Variants in TENM3 observed in about 807,000 individuals in gnomAD.
The protein encoded by TENM3 is teneurin-3.
Under a neutral mutation model 255.1 loss-of-function variants are expected in TENM3, and 63 were observed. That is an observed-to-expected ratio of 0.25 (90% CI 0.20 to 0.30). The LOEUF (loss-of-function observed/expected upper bound fraction) is 0.30. TENM3 is among the 10% of genes least tolerant of loss of function. TENM3 has a pLI of 1.00. For missense variants in TENM3, 2,929 were observed against 3,461.1 expected, an observed-to-expected ratio of 0.85 and a Z score of 3.86; for synonymous variants, 1,306 against 1,322.3, an observed-to-expected ratio of 0.99 and a Z score of 0.27.
chr4:182,642,361 A>G (rs1752389917), intron 5 of TENM3, among the ~76,000 whole-genome samples: 1 of 152,232 alleles, frequency 6.6e-6, no homozygotes, highest in African/African-American at 2.4e-5. Context: ...ATTGGCTGTC[A>G]AAGGCAGCTC....
the TENM3 span, among the ~76,000 whole-genome samples, chr4:182,132,071 G>T: frequency 2.0e-5 from 3 of 152,154 alleles, no homozygotes; most frequent in Non-Finnish European, 4.4e-5. Flanking sequence ...AATGGAGGAG[G>T]GAACCACCCT....
In TENM3 at chr4:182,356,289, G is replaced by C. The variant is rs184989628; in HGVS notation, c.511+9360G>C. On this transcript the variant is annotated intron_variant, in intron 3 of 27. Transcript: ENST00000511685. ...AGGCTGAGGTGAGAGGATGGCTTGA[G>C]CCCAGAAGTTAGAGACCAGCCTGGG... is the stretch of plus-strand genomic sequence containing the variant. 5.9e-5 allele frequency among the ~76,000 whole-genome samples: 9 copies of C among 152,274 alleles called. No individual in the cohort carries two copies. The East Asian group carries it at 1.7e-3, about 29-fold the overall frequency.
the TENM3 span, among the ~76,000 whole-genome samples, chr4:181,744,485 C>T: frequency 6.6e-6 from 1 of 152,164 alleles, no homozygotes; most frequent in Admixed American, 6.6e-5. Context: ...ACCTCACCAG[C>T]ATCTGTTTTT....
At chr4:181,546,606 C>G in the TENM3 span, among the ~76,000 whole-genome samples, 2 of 140,186 alleles carry the variant, frequency 1.4e-5, no homozygotes, top group African/African-American at 5.3e-5. Context: ...CCCAGCTACT[C>G]GGGAGGCTGA....
chr4:181,465,974 C>T, the TENM3 span, among the ~76,000 whole-genome samples: 1 of 152,110 alleles, frequency 6.6e-6, no homozygotes, highest in Admixed American at 6.6e-5. Flanking sequence ...CAGTTGACTC[C>T]ACACTTTACC....
At chr4:182,397,398 TA>T (rs144177808) in intron 3 of TENM3, among the ~76,000 whole-genome samples, 137 of 48,954 alleles carry the variant, frequency 2.8e-3, no homozygotes, top group African/African-American at 8.7e-3. Flanking sequence ...AGACTCCATC[TA>T]AAAAAAAAAA....
the TENM3 span, among the ~76,000 whole-genome samples, chr4:181,944,678 A>G: frequency 2.6e-5 from 4 of 152,066 alleles, no homozygotes; most frequent in African/African-American, 9.7e-5. Context: ...CATAGGGACA[A>G]TGCCTGACTG....
At chr4:181,531,330 C>T in the TENM3 span, among the ~76,000 whole-genome samples, 1 of 152,118 alleles carries the variant, frequency 6.6e-6, no homozygotes, top group African/African-American at 2.4e-5. Flanking sequence ...GACAAAGTTG[C>T]CAGATAAAAT....
At position 182,702,868 on chromosome 4, in the gene TENM3, C is replaced by G. The variant is rs548052750; in HGVS notation, c.2222-11219C>G. On this transcript the variant is annotated intron_variant, in intron 12 of 27. Coordinates refer to ENST00000511685, the MANE Select transcript of TENM3 (RefSeq NM_001080477.4). Reference sequence around the variant, plus strand: ...TCTCCTGCCTCAGCCTCCCACATAGCTGGGACTACAGGCGCCCACCACCAT... The same window carrying G: ...TCTCCTGCCTCAGCCTCCCACATAGGTGGGACTACAGGCGCCCACCACCAT... Among the ~76,000 whole-genome samples, 13 of 152,070 alleles carry G rather than the reference C, an allele frequency of 8.5e-5. No homozygotes were observed. The South Asian group carries it at 2.1e-3, about 24-fold the overall frequency.
chr4:181,677,956 G>A, the TENM3 span, among the ~76,000 whole-genome samples: 1 of 152,050 alleles, frequency 6.6e-6, no homozygotes, highest in Admixed American at 6.6e-5. Flanking sequence ...TGATCCCCTA[G>A]GTCAACTTTC....
the TENM3 span, chr4:181,975,463 A>G: frequency 2.6e-5 from 4 of 152,164 alleles, no homozygotes; most frequent in African/African-American, 7.2e-5. Context: ...CACTGTGTCT[A>G]TGTGCCACAT....
chr4:181,546,929 C>A, the TENM3 span, among the ~76,000 whole-genome samples: 3 of 152,016 alleles, frequency 2.0e-5, no homozygotes, highest in African/African-American at 7.2e-5. Context: ...ATTCCTGCTG[C>A]TCTTGCTACT....
chr4:182,130,995 G>C, the TENM3 span, among the ~76,000 whole-genome samples: 1 of 152,180 alleles, frequency 6.6e-6, no homozygotes, highest in East Asian at 1.9e-4. Flanking sequence ...ATTGTTATTT[G>C]ATAACAGTTC....
the TENM3 span, among the ~76,000 whole-genome samples, chr4:181,622,661 G>A: frequency 6.6e-6 from 1 of 152,150 alleles, no homozygotes; most frequent in African/African-American, 2.4e-5. Flanking sequence ...GGGCAACAGA[G>A]CAAGACTCCG....
At chr4:181,661,683 G>A in the TENM3 span, among the ~76,000 whole-genome samples, 1 of 152,074 alleles carries the variant, frequency 6.6e-6, no homozygotes, top group Non-Finnish European at 1.5e-5. Context: ...TGGTTATCCT[G>A]GGAGGTGCGG....
intron 1 of TENM3, among the ~76,000 whole-genome samples, chr4:182,215,810 A>C (rs17072863): frequency 0.034 from 5,143 of 152,254 alleles, 282 homozygotes; most frequent in African/African-American, 0.12. Context: ...TCTAACTTGC[A>C]ATCAGGTTTC....
the TENM3 span, among the ~76,000 whole-genome samples, chr4:181,758,748 G>A: frequency 1.3e-5 from 2 of 152,184 alleles, no homozygotes; most frequent in East Asian, 3.9e-4. Context: ...ATTACTAAAA[G>A]CCAGCACCTA....
At chr4:182,409,573 C>T (rs900479641) in intron 3 of TENM3, among the ~76,000 whole-genome samples, 1 of 152,166 alleles carries the variant, frequency 6.6e-6, no homozygotes, top group Non-Finnish European at 1.5e-5. Flanking sequence ...TCATTAATCA[C>T]TTCTGGTTCT....
At chr4:182,591,183 CAGTT>C (rs1368260019) in intron 3 of TENM3, among the ~76,000 whole-genome samples, 2 of 151,802 alleles carry the variant, frequency 1.3e-5, no homozygotes, top group Non-Finnish European at 2.9e-5. Flanking sequence ...AGGAAGTTGG[CAGTT>C]AGGTAATCTA....
Sources: allele counts gnomAD v4.1 joint callset (sites outside exome capture counted in the v4.1 genomes callset), GRCh38; gene constraint gnomAD v4.1.1; transcripts MANE v1.5; gene names NCBI Gene and HGNC (gene_info 2026-07-23, HGNC 2026-07-21).